HHIP: variants seen among roughly 807,000 people sequenced by gnomAD.
HHIP encodes the protein hedgehog interacting protein, also known as hedgehog-interacting protein.
In HHIP, 12 loss-of-function variants were observed where a neutral mutation model predicts 74.0. That is an observed-to-expected ratio of 0.16 (90% CI 0.10 to 0.26). The LOEUF (loss-of-function observed/expected upper bound fraction) is 0.26. Ranked by LOEUF, HHIP falls within the 10% of genes least tolerant of loss-of-function variation. HHIP has a pLI of 1.00. For synonymous variants in HHIP, 309 were observed against 311.6 expected, an observed-to-expected ratio of 0.99 and a Z score of 0.09; for missense variants, 788 against 845.0, an observed-to-expected ratio of 0.93 and a Z score of 0.84.
chr4:144,737,733 G>A lies in HHIP; in HGVS notation c.1910-31G>A, dbSNP rs146459530. On this transcript the variant is annotated intron_variant, in intron 12 of 12. Coordinates refer to ENST00000296575, the MANE Select transcript of HHIP (RefSeq NM_022475.3). ...CCTGTTTCTGACATACAGAATGAGA[G>A]TGTGATGTTCTTGCTCTTTTTCTCT... The A allele has an allele frequency of 3.9e-4, 600 of 1,557,984 alleles. 3 individuals are homozygous for A. In the African/African-American group the frequency reaches 6.6e-3, roughly 17 times the overall value.
At chr4:144,663,645 T>C (rs561443013) in intron 4 of HHIP, among the ~76,000 whole-genome samples, 22 of 152,276 alleles carry the variant, frequency 1.4e-4, no homozygotes, top group Non-Finnish European at 2.5e-4. Flanking sequence ...AGATGCTTGA[T>C]ATAAAGCATA....
At position 144,738,355 on chromosome 4, in the gene HHIP, C is replaced by T. The variant is rs201647290; in HGVS notation, c.*398C>T. 2.0e-6 allele frequency: 2 copies of T among 978,750 alleles called. No homozygotes were observed. The highest frequency in any genetic ancestry group is 3.5e-5 in the African/African-American group (2 of 56,988). 60.6% of individuals were successfully genotyped at this position (978,750 alleles called of 1,614,324 possible). On this transcript the variant is annotated 3_prime_UTR_variant, in exon 13 of 13. Coordinates refer to ENST00000296575, the MANE Select transcript of HHIP (RefSeq NM_022475.3). The stretch of plus-strand genomic sequence containing the variant: ...AATAGAGTTTTGAAACAGTACTGTG[C>T]AATCCGATGGATCTAATTAAAAAAA...
chr4:144,653,150 G>A (rs1322850109), intron 2 of HHIP, among the ~76,000 whole-genome samples: 1 of 152,050 alleles, frequency 6.6e-6, no homozygotes, highest in African/African-American at 2.4e-5. Context: ...CAATATCAAG[G>A]CAGTGTCTTC....
At chr4:144,704,763 G>A (rs188367229) in intron 4 of HHIP, among the ~76,000 whole-genome samples, 28 of 152,280 alleles carry the variant, frequency 1.8e-4, no homozygotes, top group Non-Finnish European at 2.6e-4. Context: ...AATCACAAAC[G>A]AAATCCCACC....
intron 11 of HHIP, 40 bp from the exon 12 acceptor site, chr4:144,734,701 T>C: frequency 6.9e-7 from 1 of 1,446,184 alleles, no homozygotes; most frequent in Non-Finnish European, 9.3e-7. Flanking sequence ...CTGTTGATTT[T>C]CAAATGGAAT....
intron 1 of HHIP, 27 bp downstream of exon 1, chr4:144,646,981 C>T (rs201707149): frequency 6.6e-5 from 103 of 1,557,306 alleles, no homozygotes; most frequent in Non-Finnish European, 8.6e-5. Context: ...TTCACGGATG[C>T]GTACTTGGCA....
At chr4:144,692,458 C>T (rs1334033398) in intron 4 of HHIP, among the ~76,000 whole-genome samples, 3 of 152,150 alleles carry the variant, frequency 2.0e-5, no homozygotes. Flanking sequence ...CTGGGAGATG[C>T]TGTTCTTTCT....
intron 1 of HHIP, chr4:144,648,357 T>C (rs924535805): frequency 6.6e-6 from 1 of 152,208 alleles, no homozygotes; most frequent in Non-Finnish European, 1.5e-5. Context: ...CAAATGTTCA[T>C]GCCTTTTGAG....
intron 4 of HHIP, among the ~76,000 whole-genome samples, chr4:144,667,301 A>AT (rs746673336): frequency 1.3e-5 from 2 of 152,122 alleles, no homozygotes; most frequent in Non-Finnish European, 2.9e-5. Context: ...GTGAGCTATG[A>AT]TTTTGCCACC....
chr4:144,700,628 T>C (rs1729950687), intron 4 of HHIP, among the ~76,000 whole-genome samples: 1 of 152,180 alleles, frequency 6.6e-6, no homozygotes, highest in Non-Finnish European at 1.5e-5. Context: ...AATCCACCAT[T>C]GCTGGCTTTG....
At chr4:144,718,103 T>G (rs763971020) in intron 10 of HHIP, among the ~76,000 whole-genome samples, 2 of 152,152 alleles carry the variant, frequency 1.3e-5, no homozygotes, top group African/African-American at 4.8e-5. Flanking sequence ...AAAATCAAAA[T>G]AAATTTTTAA....
At chr4:144,718,355 T>TC (rs1388639766) in intron 10 of HHIP, among the ~76,000 whole-genome samples, 1 of 152,104 alleles carries the variant, frequency 6.6e-6, no homozygotes, top group Non-Finnish European at 1.5e-5. Context: ...GGAACTTGCC[T>TC]CTCCTGTGTG....
chr4:144,691,190 T>G (rs1422308804), intron 4 of HHIP, among the ~76,000 whole-genome samples: 1 of 152,218 alleles, frequency 6.6e-6, no homozygotes, highest in Non-Finnish European at 1.5e-5. Context: ...AAAACTTCCT[T>G]TATCGTTTTC....
Position 144,712,080 on chromosome 4 carries a change from A to G in HHIP, c.1423+9A>G. The stretch of plus-strand genomic sequence containing the variant: ...AAAGGGGAAAGATTATGGTATGTAG[A>G]GCATAATTTGCTGATTTTGCTTTAG... On this transcript the variant is annotated intron_variant, in intron 8 of 12. Transcript: ENST00000296575. 6.2e-7 allele frequency: 1 copy of G among 1,607,104 alleles called. No individual in the cohort carries two copies. Among genetic ancestry groups the G allele is most frequent in the Non-Finnish European group, 8.5e-7 (1 of 1,176,782 alleles).
intron 11 of HHIP, among the ~76,000 whole-genome samples, chr4:144,726,815 C>G (rs1730819201): frequency 6.6e-6 from 1 of 152,212 alleles, no homozygotes. Flanking sequence ...GGGTTTCCCT[C>G]TCTCTCGATG....
intron 11 of HHIP, among the ~76,000 whole-genome samples, chr4:144,728,945 G>A (rs1730873667): frequency 6.6e-6 from 1 of 151,842 alleles, no homozygotes; most frequent in Admixed American, 6.6e-5. Context: ...AAATCCTTCA[G>A]AATACAGCAT....
rs2126604823 is a variant in HHIP at position 144,670,139 on chromosome 4, T to C, written c.831+10301T>C. On this transcript the variant is annotated intron_variant, in intron 4 of 12. Transcript: ENST00000296575. ...AGCCTGGTGACACAGTGAGACTCCA[T>C]CTCAAAAAAAAAAAGCTGAATTGGT... Among the ~76,000 whole-genome samples, 2 of 113,170 alleles carry C rather than the reference T, an allele frequency of 1.8e-5. 1 individual carries two copies. The highest frequency in any genetic ancestry group is 7.2e-4 in the South Asian group (2 of 2,770). The allele number at this position is 113,170 out of a possible 152,430, so 74.2% of individuals were successfully genotyped here.
intron 2 of HHIP, among the ~76,000 whole-genome samples, chr4:144,657,306 C>T (rs1728583506): frequency 6.6e-6 from 1 of 152,044 alleles, no homozygotes; most frequent in Non-Finnish European, 1.5e-5. Context: ...TTGGCTGATC[C>T]CAAATTCTTG....
chr4:144,727,253 GC>G (rs747262912), intron 11 of HHIP, among the ~76,000 whole-genome samples: 1 of 152,174 alleles, frequency 6.6e-6, no homozygotes, highest in East Asian at 1.9e-4. Context: ...GAGAGAGAAA[GC>G]AAGCTCTCTG....
Sources: gnomAD v4.1 joint callset for allele counts (sites outside exome capture counted in the v4.1 genomes callset) on GRCh38, gnomAD v4.1.1 for gene constraint, MANE v1.5 for transcripts, NCBI Gene and HGNC (gene_info 2026-07-23, HGNC 2026-07-21) for gene names.